Variants in SNTG2 observed in about 807,000 individuals in gnomAD.
SNTG2 encodes syntrophin gamma 2, also known as gamma-2-syntrophin.
A neutral mutation model predicts 70.9 loss-of-function variants in SNTG2; 74 were observed. The ratio of observed to expected loss-of-function variants is 1.04; its 90% CI spans 0.86 to 1.27. The LOEUF (loss-of-function observed/expected upper bound fraction) is 1.27. Ranked by LOEUF, SNTG2 falls within the 50% of genes most tolerant of loss-of-function variation. The pLI is 0.00. For missense variants in SNTG2, 717 were observed against 690.7 expected (o/e 1.04, Z -0.43); for synonymous variants, 278 against 273.8 (o/e 1.02, Z -0.15).
At chr2:1,016,933 G>C (rs1003654957) in intron 1 of SNTG2, among the ~76,000 whole-genome samples, 1 of 152,162 alleles carries the variant, frequency 6.6e-6, no homozygotes, top group Non-Finnish European at 1.5e-5. Flanking sequence ...AAAATTACTG[G>C]AATCATACCT....
chr2:1,026,029 T>C (rs541528578), intron 1 of SNTG2, among the ~76,000 whole-genome samples: 86 of 152,374 alleles, frequency 5.6e-4, no homozygotes, highest in African/African-American at 2.0e-3. Context: ...TTGTTTTGTT[T>C]TGTTGCATGT....
intron 16 of SNTG2, among the ~76,000 whole-genome samples, chr2:1,329,901 C>A (rs1659430385): frequency 6.6e-6 from 1 of 152,162 alleles, no homozygotes; most frequent in Admixed American, 6.5e-5. Context: ...TATATAGTGA[C>A]TAAACAAAGA....
At chr2:956,033 C>T (rs1660130250) in intron 1 of SNTG2, among the ~76,000 whole-genome samples, 1 of 91,180 alleles carries the variant, frequency 1.1e-5, no homozygotes, top group Admixed American at 9.3e-5. Context: ...CTGTGCTGGC[C>T]CCTGCCCCTG....
chr2:1,047,819 T>C (rs1661822280), intron 1 of SNTG2, among the ~76,000 whole-genome samples: 1 of 152,196 alleles, frequency 6.6e-6, no homozygotes, highest in Non-Finnish European at 1.5e-5. Context: ...ATATCTCAGC[T>C]TGACACTTTT....
chr2:1,075,198 AG>A (rs1663839499), intron 1 of SNTG2, among the ~76,000 whole-genome samples: 1 of 152,302 alleles, frequency 6.6e-6, no homozygotes, highest in African/African-American at 2.4e-5. Flanking sequence ...CATGTTTTTA[AG>A]TGGAGAAGTG....
chr2:1,116,189 G>GGGT (rs1305987184), intron 4 of SNTG2, among the ~76,000 whole-genome samples: 1 of 149,868 alleles, frequency 6.7e-6, no homozygotes, highest in African/African-American at 2.4e-5. Flanking sequence ...TGGTGGTCAC[G>GGGT]GGTTTTAGGG....
At chr2:1,029,122 C>T (rs73164800) in intron 1 of SNTG2, among the ~76,000 whole-genome samples, 4,157 of 152,214 alleles carry the variant, frequency 0.027, 188 homozygotes, top group African/African-American at 0.094. Context: ...CTTTATCTCC[C>T]CAAATCATAT....
chr2:1,014,738 CAG>C (rs200391677), intron 1 of SNTG2, among the ~76,000 whole-genome samples: 1 of 109,028 alleles, frequency 9.2e-6, no homozygotes, highest in African/African-American at 3.7e-5. Context: ...TTTATATGGG[CAG>C]AGAGAGAAGG....
rs191178862 is a variant in SNTG2, at chr2:1,298,737, C to T, written c.1285-9757C>T. On this transcript the variant is annotated intron_variant, in intron 14 of 16. Coordinates refer to ENST00000308624, the MANE Select transcript of SNTG2 (RefSeq NM_018968.4). ...GGCTTGAAGGACACAAAGTATTGAT[C>T]CTGGGTGTGTCTGTGAAGGTGTTGC... Among the ~76,000 whole-genome samples the T allele has an allele frequency of 2.0e-5, 3 of 152,256 alleles. No individual in the cohort carries two copies. The East Asian group carries it at 5.8e-4, about 29-fold the overall frequency.
At chr2:1,190,380 ATTTC>A (rs1484953367) in intron 8 of SNTG2, among the ~76,000 whole-genome samples, 1 of 150,802 alleles carries the variant, frequency 6.6e-6, no homozygotes, top group East Asian at 1.9e-4. Context: ...TATTCTATAT[ATTTC>A]TATTTCTCTA....
At chr2:1,073,799 A>C (rs1663735203) in intron 1 of SNTG2, among the ~76,000 whole-genome samples, 1 of 152,234 alleles carries the variant, frequency 6.6e-6, no homozygotes, top group African/African-American at 2.4e-5. Context: ...GTTAGGGTGA[A>C]GTTGCATGAT....
rs13011720 is a variant in SNTG2, at chr2:982,989, G to A, written c.72+31921G>A. 4.8e-3 allele frequency among the ~76,000 whole-genome samples: 724 copies of A among 151,000 alleles called. 4 individuals are homozygous for A. The highest frequency in any genetic ancestry group is 0.015 in the African/African-American group (612 of 41,092). On this transcript the variant is annotated intron_variant, in intron 1 of 16. Transcript: ENST00000308624. ...GGTCAGGATGAAGCAGAAGCTGCAG[G>A]GGTGGTGGTCAGGATGAAGAAGCTG... is the stretch of plus-strand genomic sequence containing the variant.
chr2:1,295,630 AGT>A (rs1680169747), intron 14 of SNTG2, among the ~76,000 whole-genome samples: 1 of 152,078 alleles, frequency 6.6e-6, no homozygotes, highest in Non-Finnish European at 1.5e-5. Flanking sequence ...TAGAAGGCTG[AGT>A]CTCCCATGTT....
chr2:1,346,213 G>C (rs113700137), intron 16 of SNTG2, among the ~76,000 whole-genome samples: 11,548 of 74,124 alleles, frequency 0.16, 2,468 homozygotes, highest in African/African-American at 0.36. Context: ...AGAGTGGACT[G>C]GCACTTTTCC....
chr2:1,222,533 AGGTGCTGG>A, intron 9 of SNTG2, among the ~76,000 whole-genome samples: 1 of 130,296 alleles, frequency 7.7e-6, no homozygotes, highest in Non-Finnish European at 1.6e-5. Flanking sequence ...CTGCTGCTGG[AGGTGCTGG>A]ATCGCTGTAG....
At chr2:1,132,058 C>T (rs1462047445) in intron 4 of SNTG2, among the ~76,000 whole-genome samples, 1 of 152,146 alleles carries the variant, frequency 6.6e-6, no homozygotes, top group Non-Finnish European at 1.5e-5. Flanking sequence ...TACACATTCT[C>T]ATATGGATTT....
chr2:1,255,875 T>TATATATAAATATATATAAATATATATAA, intron 12 of SNTG2, among the ~76,000 whole-genome samples: 1 of 55,856 alleles, frequency 1.8e-5, no homozygotes, highest in East Asian at 7.0e-4. Context: ...TATATATAAA[T>TATATATAAATATATATAAATATATATAA]ATATATATAA....
rs80221254 is a variant in SNTG2 at position 1,209,994 on chromosome 2, C to A, written c.719+764C>A. On this transcript the variant is annotated intron_variant, in intron 9 of 16. Transcript: ENST00000308624. ...TGTGTGTGGCCGTGGTGTGTGCGGT[C>A]TGTATGAATGTGTGTGGCTATAGTA... Among the ~76,000 whole-genome samples, 25 of 152,032 alleles carry A rather than the reference C, an allele frequency of 1.6e-4. No individual in the cohort carries two copies. In the East Asian group the frequency reaches 4.6e-3, roughly 28 times the overall value.
intron 14 of SNTG2, among the ~76,000 whole-genome samples, chr2:1,286,298 A>G (rs1679764531): frequency 6.6e-6 from 1 of 152,162 alleles, no homozygotes; most frequent in Admixed American, 6.5e-5. Flanking sequence ...TATGAGAAAA[A>G]CAGTACCATA....
Sources: gnomAD v4.1 joint callset for allele counts (sites outside exome capture counted in the v4.1 genomes callset) on GRCh38, gnomAD v4.1.1 for gene constraint, MANE v1.5 for transcripts, NCBI Gene and HGNC (gene_info 2026-07-23, HGNC 2026-07-21) for gene names.